Variants in ACYP2 observed in about 807,000 individuals in gnomAD.
ACYP2 encodes the protein acylphosphatase-2.
A neutral mutation model predicts 11.2 loss-of-function variants in ACYP2; 12 were observed. The observed-to-expected ratio is 1.08, with a 90% confidence interval of 0.69 to 1.74. The LOEUF (loss-of-function observed/expected upper bound fraction) is 1.74, where lower values mean the gene tolerates loss of function less well. Ranked by LOEUF, ACYP2 falls within the 40% of genes most tolerant of loss-of-function variation. The pLI, the probability that ACYP2 is intolerant of heterozygous loss-of-function variation, is 0.00. For missense variants in ACYP2, 134 were observed against 101.9 expected, an observed-to-expected ratio of 1.31 and a Z score of -1.35; for synonymous variants, 43 against 32.2, an observed-to-expected ratio of 1.33 and a Z score of -1.13.
At position 54,256,816 on chromosome 2, in the gene ACYP2, G is replaced by GTTTGTTTTGTTTTGTTTTGT. The variant is rs577024551; in HGVS notation, c.405-47866_405-47847dup. Among the ~76,000 whole-genome samples, 4 of 151,240 alleles carry GTTTGTTTTGTTTTGTTTTGT rather than the reference G, an allele frequency of 2.6e-5. No homozygotes were observed. The South Asian group carries it at 6.3e-4, about 24-fold the overall frequency. On this transcript the variant is annotated intron_variant, in intron 6 of 6. Coordinates refer to ENST00000607452, the MANE Select transcript of ACYP2 (RefSeq NM_001320586.2). ...ACCACCATGCCCGGTTTTTTTGTTT[G>GTTTGTTTTGTTTTGTTTTGT]TTTGTTTTGTTTTGTTTTGTTTTGT...
At chr2:54,247,763 A>G (rs1687026459) in intron 6 of ACYP2, among the ~76,000 whole-genome samples, 1 of 152,248 alleles carries the variant, frequency 6.6e-6, no homozygotes, top group African/African-American at 2.4e-5. Flanking sequence ...TGTGAAACAA[A>G]AGATAGTATT....
chr2:54,158,781 T>C (rs568823531), intron 6 of ACYP2, among the ~76,000 whole-genome samples: 1 of 152,298 alleles, frequency 6.6e-6, no homozygotes, highest in Admixed American at 6.5e-5. Context: ...TGTGCTTTTG[T>C]AAGTAAAAAA....
chr2:54,158,015 CTTTCT>C (rs1314878191), intron 6 of ACYP2, among the ~76,000 whole-genome samples: 1 of 151,364 alleles, frequency 6.6e-6, no homozygotes, highest in Non-Finnish European at 1.5e-5. Context: ...GCTTTTCTTT[CTTTCT>C]TTTATTATTA....
intron 6 of ACYP2, among the ~76,000 whole-genome samples, chr2:54,197,949 ATTGTATTGTAT>A (rs1193076502): frequency 1.2e-4 from 2 of 17,044 alleles, no homozygotes; most frequent in East Asian, 2.0e-3. Flanking sequence ...ATTATATTGT[ATTGTATTGTAT>A]TGTATTGTAT....
chr2:54,246,990 C>T (rs1455713344), intron 6 of ACYP2, among the ~76,000 whole-genome samples: 2 of 152,182 alleles, frequency 1.3e-5, no homozygotes, highest in Non-Finnish European at 2.9e-5. Context: ...TCTAGTCTAC[C>T]TTCCTCCCAT....
intron 6 of ACYP2, chr2:54,141,856 A>G: frequency 1.7e-6 from 1 of 596,492 alleles, no homozygotes; most frequent in South Asian, 2.1e-5. Flanking sequence ...TTATTTTTTG[A>G]GACAAGGGTC....
intron 6 of ACYP2, among the ~76,000 whole-genome samples, chr2:54,139,320 G>T (rs1163429537): frequency 6.6e-6 from 1 of 152,186 alleles, no homozygotes; most frequent in Admixed American, 6.5e-5. Context: ...TTACAGTTAA[G>T]TGCTTTATTT....
intron 4 of ACYP2, chr2:54,065,779 A>G (rs1676713203): frequency 6.0e-6 from 2 of 334,210 alleles, no homozygotes; most frequent in Non-Finnish European, 1.1e-5. Context: ...TCTATTTAAG[A>G]GCATTGTTTA....
At chr2:54,037,817 G>T (rs1047203596) in intron 2 of ACYP2, among the ~76,000 whole-genome samples, 1 of 152,138 alleles carries the variant, frequency 6.6e-6, no homozygotes, top group Non-Finnish European at 1.5e-5. Context: ...AAGCTAGGTG[G>T]TTATCAATGG....
intron 6 of ACYP2, among the ~76,000 whole-genome samples, chr2:54,237,690 C>G (rs1467572049): frequency 6.6e-6 from 1 of 152,104 alleles, no homozygotes; most frequent in Admixed American, 6.5e-5. Context: ...AATATGTCTT[C>G]TATAACTTTT....
At chr2:54,027,837 C>CTTTCTTTTTTTTTTTTTTTTT (rs772573473) in intron 2 of ACYP2, among the ~76,000 whole-genome samples, 3 of 97,894 alleles carry the variant, frequency 3.1e-5, no homozygotes, top group African/African-American at 8.3e-5. Flanking sequence ...TTCTTTCTTT[C>CTTTCTTTTTTTTTTTTTTTTT]TTTTTTTTTT....
chr2:54,144,405 G>T (rs1053391781), intron 6 of ACYP2, among the ~76,000 whole-genome samples: 5 of 152,124 alleles, frequency 3.3e-5, no homozygotes, highest in African/African-American at 1.2e-4. Flanking sequence ...GGCCGGTGCG[G>T]TGGCTCACGC....
chr2:54,018,616 C>G (rs1673823229), intron 2 of ACYP2, among the ~76,000 whole-genome samples: 1 of 152,016 alleles, frequency 6.6e-6, no homozygotes, highest in South Asian at 2.1e-4. Context: ...AGTTTGAGAA[C>G]AATCTGGACA....
intron 2 of ACYP2, among the ~76,000 whole-genome samples, chr2:53,976,629 T>G (rs1671507270): frequency 7.9e-6 from 1 of 125,970 alleles, no homozygotes; most frequent in African/African-American, 2.8e-5. Flanking sequence ...TCTGAAGATT[T>G]GGGAGGAAAA....
At chr2:54,090,304 T>C (rs892610210) in intron 4 of ACYP2, among the ~76,000 whole-genome samples, 1 of 152,000 alleles carries the variant, frequency 6.6e-6, no homozygotes, top group African/African-American at 2.4e-5. Context: ...TGAACCTCTT[T>C]TGCCATGAAA....
At chr2:54,086,240 C>T (rs1422547404) in intron 4 of ACYP2, among the ~76,000 whole-genome samples, 5 of 152,142 alleles carry the variant, frequency 3.3e-5, no homozygotes, top group African/African-American at 4.8e-5. Context: ...CTAGAGGGCC[C>T]GGCACAGCCA....
At chr2:54,161,049 T>C (rs545208454) in intron 6 of ACYP2, among the ~76,000 whole-genome samples, 2 of 152,272 alleles carry the variant, frequency 1.3e-5, no homozygotes, top group East Asian at 3.9e-4. Flanking sequence ...ATTCTTGGGG[T>C]CCACATTGAG....
chr2:54,138,944 C>T (rs975834092), intron 6 of ACYP2, among the ~76,000 whole-genome samples, 196 bp downstream of exon 3: 4 of 151,268 alleles, frequency 2.6e-5, no homozygotes, highest in Non-Finnish European at 5.9e-5. Context: ...TGTGAGCCAC[C>T]GTGCCTGGCC....
chr2:53,998,641 C>A (rs994923784), intron 2 of ACYP2, among the ~76,000 whole-genome samples: 3 of 151,870 alleles, frequency 2.0e-5, no homozygotes, highest in African/African-American at 4.8e-5. Flanking sequence ...ATAGGAAGAC[C>A]CCCAGTGCTA....
Sources: gnomAD v4.1 joint callset for allele counts (sites outside exome capture counted in the v4.1 genomes callset) on GRCh38, gnomAD v4.1.1 for gene constraint, MANE v1.5 for transcripts, NCBI Gene and HGNC (gene_info 2026-07-23, HGNC 2026-07-21) for gene names.